SETX: variants seen among roughly 807,000 people sequenced by gnomAD.
SETX encodes the protein helicase senataxin.
A neutral mutation model predicts 227.2 loss-of-function variants in SETX; 90 were observed. That is an observed-to-expected ratio of 0.40 (90% CI 0.33 to 0.47). The LOEUF is 0.47. SETX is among the 20% of genes least tolerant of loss of function. The pLI is 0.91. For missense variants in SETX, 3,052 were observed against 3,181.5 expected (o/e 0.96, Z 0.98); for synonymous variants, 1,210 against 1,113.2 (o/e 1.09, Z -1.73).
intron 10 of SETX, among the ~76,000 whole-genome samples, chr9:132,314,996 G>A (rs1202388816): frequency 2.3e-5 from 3 of 131,246 alleles, no homozygotes; most frequent in South Asian, 2.6e-4. Context: ...CACTGCAACC[G>A]CCACCTCCCG....
rs1564546497 is a variant in SETX, at chr9:132,329,894, T to C, written c.1704A>G (p.Gly568=). The change falls in exon 10 of 26, where the codon GGA becomes GGG. Residue 568 remains glycine (G), a synonymous_variant. Coordinates refer to ENST00000224140, the MANE Select transcript of SETX (RefSeq NM_015046.7). ...FWDKLNLFLR[G]NLSLGWQLTS... is the part of the protein sequence containing the mutation. ...TCAACTGCCAACCTAGAGATAAATT[T>C]CCTCTAAGGAATAAGTTGAGCTTAT... 2 of 1,614,164 alleles carry C rather than the reference T, an allele frequency of 1.2e-6. No individual in the cohort carries two copies. Among genetic ancestry groups the C allele is most frequent in the South Asian group, 2.2e-5 (2 of 91,088 alleles).
chr9:132,344,552 G>T (rs1438041768), intron 4 of SETX, among the ~76,000 whole-genome samples: 1 of 152,126 alleles, frequency 6.6e-6, no homozygotes, highest in South Asian at 2.1e-4. Flanking sequence ...CAACTATTGG[G>T]AAAATATGAA....
In SETX at chr9:132,286,429, A is replaced by G. The variant is rs2131234539; in HGVS notation, c.6390T>C (p.Ile2130=). 2 of 1,611,792 alleles carry G rather than the reference A, an allele frequency of 1.2e-6. No homozygotes were observed. The highest frequency in any genetic ancestry group is 1.7e-5 in the Admixed American group (1 of 59,910). Residue 2130 remains isoleucine (I), a synonymous_variant, in exon 18 of 26, where the codon ATT becomes ATC. Coordinates refer to ENST00000224140, the MANE Select transcript of SETX (RefSeq NM_015046.7). ...CTACAGGTGAACTACTTACCTCTTT[A>G]ATTTTAGAAGCAAGTTCCTGCCTTT... ...SKERQELASK[I]KEVQGRPQKT... is the part of the protein sequence containing the mutation.
At chr9:132,322,478 T>C (rs1846424420) in intron 10 of SETX, among the ~76,000 whole-genome samples, 1 of 152,218 alleles carries the variant, frequency 6.6e-6, no homozygotes, top group African/African-American at 2.4e-5. Flanking sequence ...AATCATATAA[T>C]ATGTGACCTT....
In SETX at chr9:132,300,823, C is replaced by A. The variant is rs755066582; in HGVS notation, c.5375-20G>T. On this transcript the variant is annotated intron_variant, in intron 11 of 25. Coordinates refer to ENST00000224140, the MANE Select transcript of SETX (RefSeq NM_015046.7). ...GATAAACTATGAAACAAGAAGAAGT[C>A]GGAATTCATATAACTCTAATAGAAT... is the stretch of plus-strand genomic sequence containing the variant. 1 of 1,603,624 alleles carries A rather than the reference C, an allele frequency of 6.2e-7. No individual in the cohort carries two copies. Among genetic ancestry groups the A allele is most frequent in the East Asian group, 2.2e-5 (1 of 44,612 alleles).
chr9:132,355,147 A>G (rs1848846873), upstream of SETX, among the ~76,000 whole-genome samples: 1 of 151,828 alleles, frequency 6.6e-6, no homozygotes, highest in Non-Finnish European at 1.5e-5. Context: ...TGCACCGCCC[A>G]CGCCGGGCGC....
In SETX at chr9:132,349,372, C is replaced by T. The variant is rs748390370; in HGVS notation, c.57G>A (p.Lys19=). 1 of 1,614,116 alleles carries T rather than the reference C, an allele frequency of 6.2e-7. No homozygotes were observed. The change falls in exon 3 of 26, where the codon AAG becomes AAA. Residue 19 remains lysine, a synonymous_variant. Coordinates refer to ENST00000224140, the MANE Select transcript of SETX (RefSeq NM_015046.7). ...PGGASTIDFL[K]RYASNTPSGE... ...CGGACGGAGTGTTGGAAGCATAGCGCTTTAGGAAGTCAATGGTGGAAGCAC... is the reference window on the plus strand; with the variant it reads ...CGGACGGAGTGTTGGAAGCATAGCGTTTTAGGAAGTCAATGGTGGAAGCAC...
rs751594420 is a variant in SETX at position 132,329,017 on chromosome 9, T to C, written c.2581A>G (p.Asn861Asp). 1 of 1,607,228 alleles carries C rather than the reference T, an allele frequency of 6.2e-7. No homozygotes were observed. Among genetic ancestry groups the C allele is most frequent in the Admixed American group, 1.7e-5 (1 of 59,424 alleles). ...DKNGEQKSQN[N>D]VLPKEKQLKN... is the part of the protein sequence containing the mutation. ...AATTGTTTCTCTTTTGGCAATACAT[T>C]GTTTTGAGATTTTTGTTCTCCATTC... Residue 861 changes from asparagine (N) to aspartate (D), a missense_variant, in exon 10 of 26, where the codon AAT becomes GAT. Around this residue, in one of 10 missense-constraint regions of SETX, gnomAD observed 1,483 missense variants for 1,312.0 expected, o/e 1.13. Transcript: ENST00000224140.
intron 10 of SETX, among the ~76,000 whole-genome samples, chr9:132,315,210 C>T (rs1011945911): frequency 2.0e-5 from 3 of 152,084 alleles, no homozygotes; most frequent in Non-Finnish European, 4.4e-5. Flanking sequence ...AGCCACTGTG[C>T]CTGGCCAAAA....
At chr9:132,336,654 T>C (rs1293636182) in intron 5 of SETX, 139 bp from the exon 6 acceptor site, 7 of 707,098 alleles carry the variant, frequency 9.9e-6, no homozygotes, top group African/African-American at 1.8e-5. Flanking sequence ...TGGACCTTAT[T>C]TGATCCTGAT....
At chr9:132,343,884 T>C (rs1355829482) in intron 4 of SETX, among the ~76,000 whole-genome samples, 2 of 152,226 alleles carry the variant, frequency 1.3e-5, no homozygotes, top group East Asian at 3.9e-4. Flanking sequence ...GTACAGGAAA[T>C]AAATCAGAAA....
intron 6 of SETX, among the ~76,000 whole-genome samples, chr9:132,335,855 T>A (rs2131501909): frequency 6.6e-6 from 1 of 152,316 alleles, no homozygotes; most frequent in Middle Eastern, 3.4e-3. Flanking sequence ...TAAGTCAACT[T>A]AATGACAGAA....
chr9:132,302,435 G>A lies in SETX; in HGVS notation c.5375-1632C>T, dbSNP rs534224763. Among the ~76,000 whole-genome samples, 643 of 150,614 alleles carry A rather than the reference G, an allele frequency of 4.3e-3. 5 individuals carry two copies. The highest frequency in any genetic ancestry group is 0.014 in the African/African-American group (594 of 40,966). On this transcript the variant is annotated intron_variant, in intron 11 of 25. Coordinates refer to ENST00000224140, the MANE Select transcript of SETX (RefSeq NM_015046.7). The stretch of plus-strand genomic sequence containing the variant: ...AGCACTTTGGGAGGCCGAGACGGGC[G>A]GATCACCTGAGGTCAGGCGTTTGAG...
At chr9:132,316,605 G>A (rs1436836961) in intron 10 of SETX, among the ~76,000 whole-genome samples, 1 of 152,164 alleles carries the variant, frequency 6.6e-6, no homozygotes, top group Non-Finnish European at 1.5e-5. Context: ...GTGCTATAAA[G>A]TACGAATCTT....
rs1032971745 is a variant in SETX, at chr9:132,265,060, C to A, written c.7288-75G>T. Reference sequence around the variant, plus strand: ...TTGGGAAGCATAGAGTTCCAGCTTTCATTTCTGAACAAATAATACATATTA... The same window carrying A: ...TTGGGAAGCATAGAGTTCCAGCTTTAATTTCTGAACAAATAATACATATTA... On this transcript the variant is annotated intron_variant, in intron 25 of 25. Coordinates refer to ENST00000224140, the MANE Select transcript of SETX (RefSeq NM_015046.7). The A allele has an allele frequency of 1.5e-5, 23 of 1,524,500 alleles. No individual in the cohort carries two copies. The East Asian group carries it at 2.9e-4, about 19-fold the overall frequency. The allele number at this position is 1,524,500 out of a possible 1,614,324, so 94.4% of individuals were successfully genotyped here.
chr9:132,324,470 A>G (rs1044360611), intron 10 of SETX, among the ~76,000 whole-genome samples: 1 of 152,062 alleles, frequency 6.6e-6, no homozygotes, highest in East Asian at 1.9e-4. Context: ...CAACACTCCA[A>G]TCTTGTTACC....
chr9:132,320,524 G>C (rs1589720573), intron 10 of SETX, among the ~76,000 whole-genome samples: 1 of 144,886 alleles, frequency 6.9e-6, no homozygotes, highest in East Asian at 2.0e-4. Context: ...AACCCGGGAG[G>C]CAGAGCTTGC....
rs758411198 is a variant in SETX, at chr9:132,311,852, G to A, written c.5279C>T (p.Ala1760Val). The A allele has an allele frequency of 5.0e-6, 8 of 1,610,750 alleles. No individual in the cohort carries two copies. The highest frequency in any genetic ancestry group is 6.8e-6 in the Non-Finnish European group (8 of 1,177,614). ...LMVLNTFETV[A>V]QEWLNSPNRE... is the part of the protein sequence containing the mutation. Reference sequence around the variant, plus strand: ...ATTTGGAGAGTTGAGCCATTCTTGTGCCACCTATACAAAGCACAAAAGCAA... The same window carrying A: ...ATTTGGAGAGTTGAGCCATTCTTGTACCACCTATACAAAGCACAAAAGCAA... The change falls in exon 11 of 26, where the codon GCA becomes GTA. Residue 1760 changes from alanine to valine, a missense_variant. Transcript: ENST00000224140.
chr9:132,336,807 T>C (rs938300291), intron 5 of SETX, among the ~76,000 whole-genome samples: 1 of 152,240 alleles, frequency 6.6e-6, no homozygotes, highest in African/African-American at 2.4e-5. Context: ...CTCACACCTG[T>C]AATTTCAGTA....
Sources: allele counts gnomAD v4.1 joint callset (sites outside exome capture counted in the v4.1 genomes callset), GRCh38; gene constraint gnomAD v4.1.1; regional missense constraint gnomAD v4.1.1; transcripts MANE v1.5; gene names NCBI Gene and HGNC (gene_info 2026-07-23, HGNC 2026-07-21).